Variants in TRMT11 observed in about 807,000 individuals in gnomAD.
The protein encoded by TRMT11 is tRNA methyltransferase 11, also known as tRNA (guanine(10)-N(2))-methyltransferase TRMT11.
In TRMT11, 53 loss-of-function variants were observed where a neutral mutation model predicts 62.8. That is an observed-to-expected ratio of 0.84 (90% CI 0.68 to 1.06). The LOEUF (loss-of-function observed/expected upper bound fraction) is 1.06. Ranked by LOEUF, TRMT11 falls within the 50% of genes least tolerant of loss-of-function variation. TRMT11 has a pLI of 0.00. For synonymous variants in TRMT11, 188 were observed against 190.3 expected, an observed-to-expected ratio of 0.99 and a Z score of 0.10; for missense variants, 556 against 553.4, an observed-to-expected ratio of 1.00 and a Z score of -0.05.
chr6:126,200,302 A>G (rs113087856), intron 3 of TRMT11, among the ~76,000 whole-genome samples: 289 of 152,324 alleles, frequency 1.9e-3, no homozygotes, highest in Non-Finnish European at 1.1e-3. Context: ...CAATGGCCAC[A>G]TCAAATGAAG....
the TRMT11 span, among the ~76,000 whole-genome samples, chr6:126,251,086 A>C: frequency 2.2e-3 from 324 of 149,178 alleles, no homozygotes; most frequent in Middle Eastern, 0.01. Flanking sequence ...GCTGGAGTGC[A>C]GTGGCACAAT....
intron 17 of TRMT11, among the ~76,000 whole-genome samples, chr6:126,083,092 TA>T (rs1562319368): frequency 6.6e-6 from 1 of 152,172 alleles, no homozygotes; most frequent in African/African-American, 2.4e-5. Context: ...TAAAAATGGC[TA>T]ATGGGTATAT....
At position 126,081,550 on chromosome 6, in the gene TRMT11, G is replaced by T. The variant is rs186571832; in HGVS notation, c.*1437+28360G>T. Among the ~76,000 whole-genome samples the T allele has an allele frequency of 1.7e-4, 26 of 152,268 alleles. No homozygotes were observed. In the East Asian group the frequency reaches 5.0e-3, roughly 29 times the overall value. On this transcript the variant is annotated intron_variant and NMD_transcript_variant, in intron 17 of 22. Transcript: ENST00000648977. Reference sequence around the variant, plus strand: ...CTACAAAAATTCAGGGGCCTTCAGTGAGGTTCTGGGGACTCAGTGGTCTGG... The same window carrying T: ...CTACAAAAATTCAGGGGCCTTCAGTTAGGTTCTGGGGACTCAGTGGTCTGG...
intron 11 of TRMT11, among the ~76,000 whole-genome samples, chr6:126,018,823 G>A (rs556024424): frequency 3.9e-5 from 6 of 152,202 alleles, no homozygotes; most frequent in East Asian, 1.9e-4. Flanking sequence ...AACCACTTGC[G>A]AACATTCCAT....
At chr6:126,069,432 C>G (rs961628399) in intron 17 of TRMT11, among the ~76,000 whole-genome samples, 1 of 152,172 alleles carries the variant, frequency 6.6e-6, no homozygotes, top group Admixed American at 6.5e-5. Flanking sequence ...TTTGGTGTCT[C>G]TGGTTTCTAT....
At chr6:126,167,033 A>G (rs1471566058) in intron 21 of TRMT11, among the ~76,000 whole-genome samples, 1 of 152,172 alleles carries the variant, frequency 6.6e-6, no homozygotes, top group Non-Finnish European at 1.5e-5. Context: ...AAGCCAGTGC[A>G]TCTTAGCCTG....
upstream of TRMT11, among the ~76,000 whole-genome samples, chr6:126,172,998 A>AAGAT (rs1458955669): frequency 2.0e-5 from 3 of 152,114 alleles, no homozygotes; most frequent in Non-Finnish European, 1.5e-5. Context: ...GTAGGTAGAG[A>AAGAT]AGATATGTCA....
At chr6:126,231,357 G>A in the TRMT11 span, among the ~76,000 whole-genome samples, 23 of 152,046 alleles carry the variant, frequency 1.5e-4, no homozygotes, top group African/African-American at 4.6e-4. Flanking sequence ...GGAGATTTGT[G>A]ATAATTTGAA....
At chr6:126,238,273 T>G in the TRMT11 span, among the ~76,000 whole-genome samples, 1 of 152,222 alleles carries the variant, frequency 6.6e-6, no homozygotes, top group East Asian at 1.9e-4. Flanking sequence ...TGTTTGCTCT[T>G]GCTTCTCTAG....
chr6:126,069,233 C>T (rs1252599307), intron 17 of TRMT11, among the ~76,000 whole-genome samples: 1 of 152,230 alleles, frequency 6.6e-6, no homozygotes, highest in Non-Finnish European at 1.5e-5. Context: ...CATGCTACAA[C>T]AGCAGTAGAC....
chr6:126,183,271 C>A (rs1778488040), intron 1 of TRMT11, among the ~76,000 whole-genome samples: 2 of 152,082 alleles, frequency 1.3e-5, no homozygotes, highest in African/African-American at 4.8e-5. Flanking sequence ...ATAAGGCCAA[C>A]AAAGGAACTG....
At chr6:126,068,023 C>G (rs1039203882) in intron 17 of TRMT11, among the ~76,000 whole-genome samples, 1 of 152,140 alleles carries the variant, frequency 6.6e-6, no homozygotes, top group African/African-American at 2.4e-5. Context: ...GTAATCATCA[C>G]TTACTGCTTA....
intron 21 of TRMT11, among the ~76,000 whole-genome samples, chr6:126,146,304 G>A (rs1022388445): frequency 6.6e-6 from 1 of 152,072 alleles, no homozygotes; most frequent in Non-Finnish European, 1.5e-5. Context: ...CTCTAATATG[G>A]ACACTGAGTA....
the TRMT11 span, among the ~76,000 whole-genome samples, chr6:126,246,828 A>C: frequency 1.3e-5 from 2 of 152,226 alleles, no homozygotes; most frequent in African/African-American, 4.8e-5. Context: ...AAAGGTAATA[A>C]ATTTATAGTA....
chr6:126,064,080 T>C (rs1776616796), intron 17 of TRMT11, among the ~76,000 whole-genome samples: 1 of 151,958 alleles, frequency 6.6e-6, no homozygotes, highest in African/African-American at 2.4e-5. Context: ...GAGCTAGAGG[T>C]TGGCAACCTT....
chr6:126,054,060 CAT>C (rs1219104029), intron 17 of TRMT11, among the ~76,000 whole-genome samples: 2 of 152,234 alleles, frequency 1.3e-5, no homozygotes, highest in Non-Finnish European at 2.9e-5. Flanking sequence ...CTAAAGGACT[CAT>C]ACGCCCTGCT....
intron 17 of TRMT11, among the ~76,000 whole-genome samples, chr6:126,056,084 G>A (rs1482287030): frequency 1.3e-5 from 2 of 152,176 alleles, no homozygotes; most frequent in African/African-American, 4.8e-5. Context: ...GGAGTAAGAT[G>A]TCCCTTCCCA....
chr6:126,163,511 T>G (rs1041015904), intron 21 of TRMT11, among the ~76,000 whole-genome samples: 4 of 152,180 alleles, frequency 2.6e-5, no homozygotes, highest in Non-Finnish European at 5.9e-5. Context: ...GGCCTGAAAT[T>G]TTCTCTTTTT....
upstream of TRMT11, among the ~76,000 whole-genome samples, chr6:126,172,193 A>T (rs1331831753): frequency 2.0e-5 from 3 of 151,988 alleles, no homozygotes; most frequent in Admixed American, 2.0e-4. Flanking sequence ...CTCAGTTTTC[A>T]TGTCCTGAAT....
Sources: gnomAD v4.1 joint callset for allele counts (sites outside exome capture counted in the v4.1 genomes callset) on GRCh38, gnomAD v4.1.1 for gene constraint, MANE v1.5 for transcripts, NCBI Gene and HGNC (gene_info 2026-07-23, HGNC 2026-07-21) for gene names.